Variants in SEMA3F observed in about 807,000 individuals in gnomAD.
SEMA3F encodes semaphorin 3F.
A neutral mutation model predicts 98.5 loss-of-function variants in SEMA3F; 30 were observed. The ratio of observed to expected loss-of-function variants is 0.30; its 90% CI spans 0.23 to 0.41. SEMA3F has a LOEUF of 0.41. Among genes scored for constraint, SEMA3F ranks in the 10% least tolerant of loss-of-function variants. SEMA3F has a pLI of 1.00. For synonymous variants in SEMA3F, 380 were observed against 444.8 expected, an observed-to-expected ratio of 0.85 and a Z score of 1.83; for missense variants, 866 against 1,119.3, an observed-to-expected ratio of 0.77 and a Z score of 3.23.
intron 7 of SEMA3F, among the ~76,000 whole-genome samples, chr3:50,180,650 A>T (rs1411643336): frequency 6.6e-6 from 1 of 152,204 alleles, no homozygotes; most frequent in East Asian, 1.9e-4. Context: ...CACAGCATTT[A>T]TCGATTAAGT....
In SEMA3F at chr3:50,166,536, C is replaced by G. The variant is rs1698412879; in HGVS notation, c.112+6802C>G. Reference sequence around the variant, plus strand: ...GAGTCCTGCTGAGGTCCTAACCCAGCCTCACTGCATCCTCCAAGGCTGACC... The same window carrying G: ...GAGTCCTGCTGAGGTCCTAACCCAGGCTCACTGCATCCTCCAAGGCTGACC... On this transcript the variant is annotated intron_variant, in intron 2 of 18. Transcript: ENST00000002829. The surrounding 1 kb of genome is among the most constrained non-coding windows in gnomAD (Gnocchi z 4.7). 6.6e-6 allele frequency among the ~76,000 whole-genome samples: 1 copy of G among 152,196 alleles called. No individual in the cohort carries two copies. Among genetic ancestry groups the G allele is most frequent in the Admixed American group, 6.5e-5 (1 of 15,274 alleles).
In SEMA3F at chr3:50,156,800, G is replaced by A. The variant is rs1051303878; in HGVS notation, c.-49+1236G>A. Among the ~76,000 whole-genome samples the A allele has an allele frequency of 6.6e-6, 1 of 152,180 alleles. No homozygotes were observed. The highest frequency in any genetic ancestry group is 2.4e-5 in the African/African-American group (1 of 41,434). On this transcript the variant is annotated intron_variant, in intron 1 of 18. Transcript: ENST00000002829. The surrounding 1 kb of genome is among the most constrained non-coding windows in gnomAD (Gnocchi z 4.5). ...GAAAGCAGGGGCCAGAGAGAAGGCGGCAGCCCACCCAGCCTCAGCCCCTCG... is the reference window on the plus strand; with the variant it reads ...GAAAGCAGGGGCCAGAGAGAAGGCGACAGCCCACCCAGCCTCAGCCCCTCG...
rs1699234401 is a variant in SEMA3F, at chr3:50,186,727, C to T, written c.1928C>T (p.Pro643Leu). The change falls in exon 18 of 19, where the codon CCT (proline) becomes CTT (leucine). Residue 643 changes from proline (P) to leucine (L), a missense_variant. By Grantham distance (98) the Pro-to-Leu change is moderately conservative (BLOSUM62 -3). This residue lies in a region of SEMA3F where 245 missense variants were observed against 260.5 expected (regional missense o/e 0.94). Coordinates refer to ENST00000002829, the MANE Select transcript of SEMA3F (RefSeq NM_004186.5). Reference sequence around the variant, plus strand: ...GTTAAGTGGCTGTTCCAGCGAGATCCTGGTGACCGGCGCCGAGAGGTGAGT... The same window carrying T: ...GTTAAGTGGCTGTTCCAGCGAGATCTTGGTGACCGGCGCCGAGAGGTGAGT... ...ATVKWLFQRD[P>L]GDRRREIRAE... 3.7e-6 allele frequency: 6 copies of T among 1,603,870 alleles called. No homozygotes were observed. The highest frequency in any genetic ancestry group is 1.3e-5 in the African/African-American group (1 of 74,774).
At chr3:50,176,008 T>C (rs1575396405) in intron 6 of SEMA3F, among the ~76,000 whole-genome samples, 1 of 151,980 alleles carries the variant, frequency 6.6e-6, no homozygotes, top group East Asian at 1.9e-4. Flanking sequence ...CCCCTTTCCT[T>C]CCCTCTGCCT....
chr3:50,177,797 G>A (rs746226749), intron 7 of SEMA3F, among the ~76,000 whole-genome samples: 2 of 152,146 alleles, frequency 1.3e-5, no homozygotes, highest in Admixed American at 6.5e-5. Flanking sequence ...TGAGGGGAGT[G>A]TATCATTTGA....
At chr3:50,178,418 G>A (rs961905163) in intron 7 of SEMA3F, among the ~76,000 whole-genome samples, 11 of 151,786 alleles carry the variant, frequency 7.2e-5, no homozygotes, top group African/African-American at 2.2e-4. Flanking sequence ...TGAGCAGTGG[G>A]TTTAAAATAT....
intron 7 of SEMA3F, among the ~76,000 whole-genome samples, chr3:50,180,134 C>CT (rs1300399286): frequency 1.3e-5 from 2 of 152,032 alleles, no homozygotes; most frequent in Non-Finnish European, 2.9e-5. Context: ...TCATTTCTAG[C>CT]TTTTTTGTTT....
At chr3:50,185,629 T>A (rs1575409525) in intron 14 of SEMA3F, 37 bp from the exon 15 acceptor site, 1 of 1,613,608 alleles carries the variant, frequency 6.2e-7, no homozygotes, top group Non-Finnish European at 8.5e-7. Flanking sequence ...AGGGAGGGGG[T>A]CCCTGGCATC....
At chr3:50,172,539 C>A (rs1016777470) in intron 2 of SEMA3F, among the ~76,000 whole-genome samples, 5 of 152,160 alleles carry the variant, frequency 3.3e-5, no homozygotes, top group African/African-American at 2.4e-5. Flanking sequence ...GGCTGCTGGA[C>A]TCATGCAAAA....
intron 16 of SEMA3F, 91 bp from the exon 17 acceptor site, chr3:50,186,190 A>T: frequency 6.8e-7 from 1 of 1,480,808 alleles, no homozygotes; most frequent in Non-Finnish European, 9.3e-7. Context: ...TGCCCTGGGG[A>T]AAAAGGGCCC....
At position 50,183,400 on chromosome 3, in the gene SEMA3F, A is replaced by C. The variant is rs200251979; in HGVS notation, c.1089-20A>C. ...AGGTGGAGGGTCTGTCCTGCTCAGC[A>C]GCGCCTGCCATGCCCACAGCTCCGT... On this transcript the variant is annotated intron_variant, in intron 11 of 18. Coordinates refer to ENST00000002829, the MANE Select transcript of SEMA3F (RefSeq NM_004186.5). The C allele has an allele frequency of 9.7e-4, 1,564 of 1,613,550 alleles. No homozygotes were observed. The highest frequency in any genetic ancestry group is 1.3e-3 in the Non-Finnish European group (1,511 of 1,179,896).
chr3:50,160,750 G>A (rs1575374950), intron 2 of SEMA3F, among the ~76,000 whole-genome samples: 3 of 152,154 alleles, frequency 2.0e-5, no homozygotes, highest in South Asian at 2.1e-4. Context: ...TTCCTTCCTC[G>A]GGCTTGGCGG....
chr3:50,155,704 G>C lies in SEMA3F; in HGVS notation c.-49+140G>C, dbSNP rs1391461427. On this transcript the variant is annotated intron_variant, in intron 1 of 18. Coordinates refer to ENST00000002829, the MANE Select transcript of SEMA3F (RefSeq NM_004186.5). This position sits in a 1 kb window ranked among gnomAD's most constrained non-coding sequence, Gnocchi z 4.9. ...AGCCGGGGGGCTGCCCGCGGACATA[G>C]GGGCAACAAGGCTGGGGTGGGATTC... 1.3e-5 allele frequency: 3 copies of C among 229,880 alleles called. No individual in the cohort carries two copies. The highest frequency in any genetic ancestry group is 2.5e-5 in the Non-Finnish European group (3 of 119,118). The allele number at this position is 229,880 out of a possible 1,614,324, so 14.2% of individuals were successfully genotyped here. A position where few individuals can be genotyped will look rare whatever the true frequency, so the allele number is the denominator to read the frequency against.
rs1182914674 is a variant in SEMA3F, at chr3:50,182,693, T to C, written c.813T>C (p.Asn271=). 5.6e-6 allele frequency: 9 copies of C among 1,613,672 alleles called. No homozygotes were observed. The highest frequency in any genetic ancestry group is 1.7e-5 in the Admixed American group (1 of 60,032). The change falls in exon 9 of 19, where the codon AAT becomes AAC. Residue 271 remains asparagine, a synonymous_variant. Coordinates refer to ENST00000002829, the MANE Select transcript of SEMA3F (RefSeq NM_004186.5). The surrounding 1 kb of genome is among the most constrained non-coding windows in gnomAD (Gnocchi z 4.5). Reference sequence around the variant, plus strand: ...TCATTCCTGACAGTGCGGAGCGCAATGATGATAAGCTTTACTTCTTCTTCC... The same window carrying C: ...TCATTCCTGACAGTGCGGAGCGCAACGATGATAAGCTTTACTTCTTCTTCC... ...AELIPDSAER[N]DDKLYFFFRE... is the part of the protein sequence containing the mutation.
intron 13 of SEMA3F, 81 bp from the exon 14 acceptor site, chr3:50,185,362 C>G: frequency 7.4e-7 from 1 of 1,356,670 alleles, no homozygotes; most frequent in Non-Finnish European, 1.0e-6. Context: ...GGGTTTGGGC[C>G]CTGGTGGGGG....
At chr3:50,186,081 C>A in intron 16 of SEMA3F, 35 bp downstream of exon 16, 2 of 1,582,570 alleles carry the variant, frequency 1.3e-6, no homozygotes, top group South Asian at 2.3e-5. Context: ...TTTTAGCAAC[C>A]AGTCCCAGGG....
chr3:50,156,854 G>A lies in SEMA3F; in HGVS notation c.-49+1290G>A, dbSNP rs1414489638. ...CTCAGCATACCTTGGGGGGAGGATG[G>A]AGCCAGGCTCAGGTGACCTTGACTG... On this transcript the variant is annotated intron_variant, in intron 1 of 18. Coordinates refer to ENST00000002829, the MANE Select transcript of SEMA3F (RefSeq NM_004186.5). This position sits in a 1 kb window ranked among gnomAD's most constrained non-coding sequence, Gnocchi z 4.5. Among the ~76,000 whole-genome samples, 1 of 152,158 alleles carries A rather than the reference G, an allele frequency of 6.6e-6. No homozygotes were observed. The highest frequency in any genetic ancestry group is 1.5e-5 in the Non-Finnish European group (1 of 68,028).
intron 2 of SEMA3F, among the ~76,000 whole-genome samples, chr3:50,168,735 C>G (rs1698498371): frequency 6.6e-6 from 1 of 152,182 alleles, no homozygotes; most frequent in Admixed American, 6.5e-5. Context: ...CGGGGCCACC[C>G]CTTCCTGGAT....
rs996096777 is a variant in SEMA3F at position 50,156,247 on chromosome 3, A to G, written c.-49+683A>G. On this transcript the variant is annotated intron_variant, in intron 1 of 18. Coordinates refer to ENST00000002829, the MANE Select transcript of SEMA3F (RefSeq NM_004186.5). The surrounding 1 kb of genome is among the most constrained non-coding windows in gnomAD (Gnocchi z 4.5). ...GTTTGAACCAGGGGTCCCAGTGGTG[A>G]AGTGGGCAGGGGACAGCGGGGGCTT... is the stretch of plus-strand genomic sequence containing the variant. Among the ~76,000 whole-genome samples, 3 of 152,210 alleles carry G rather than the reference A, an allele frequency of 2.0e-5. No homozygotes were observed. The highest frequency in any genetic ancestry group is 4.4e-5 in the Non-Finnish European group (3 of 68,028).
Sources: gnomAD v4.1 joint callset for allele counts (sites outside exome capture counted in the v4.1 genomes callset) on GRCh38, gnomAD v4.1.1 for gene constraint, gnomAD v4.1.1 regional missense constraint, Gnocchi (gnomAD v3.1) non-coding constraint, MANE v1.5 for transcripts, NCBI Gene and HGNC (gene_info 2026-07-23, HGNC 2026-07-21) for gene names.